PPFIA2: variants seen among roughly 807,000 people sequenced by gnomAD.
PPFIA2 encodes the protein liprin-alpha-2.
Under a neutral mutation model 175.5 loss-of-function variants are expected in PPFIA2, and 46 were observed. The ratio of observed to expected loss-of-function variants is 0.26; its 90% confidence interval spans 0.21 to 0.34. The LOEUF (loss-of-function observed/expected upper bound fraction) is 0.34, where lower values mean the gene tolerates loss of function less well. PPFIA2 is among the 10% of genes least tolerant of loss of function. The pLI is 1.00. For missense variants in PPFIA2, 1,179 were observed against 1,506.1 expected, an observed-to-expected ratio of 0.78 and a Z score of 3.60; for synonymous variants, 568 against 511.4, an observed-to-expected ratio of 1.11 and a Z score of -1.49.
chr12:81,597,615 A>T (rs2059382113), intron 4 of PPFIA2, among the ~76,000 whole-genome samples: 2 of 152,128 alleles, frequency 1.3e-5, no homozygotes, highest in African/African-American at 4.8e-5. Context: ...CGCACAAGGA[A>T]AGTAACTCTA....
intron 4 of PPFIA2, among the ~76,000 whole-genome samples, chr12:81,610,726 T>C (rs1033999270): frequency 2.0e-5 from 3 of 152,366 alleles, no homozygotes; most frequent in African/African-American, 7.2e-5. Context: ...ATGTTTGTCA[T>C]TTCAGTCATT....
At chr12:81,464,835 C>A (rs963482270) in intron 4 of PPFIA2, among the ~76,000 whole-genome samples, 4 of 148,570 alleles carry the variant, frequency 2.7e-5, no homozygotes, top group Admixed American at 6.8e-5. Context: ...TATACAGGTT[C>A]ATCTTTAAAC....
chr12:81,287,947 C>T (rs542304161), intron 24 of PPFIA2, among the ~76,000 whole-genome samples: 2 of 151,900 alleles, frequency 1.3e-5, no homozygotes, highest in Admixed American at 1.3e-4. Flanking sequence ...ACTCACTGCC[C>T]TTGGTAGTCT....
intron 7 of PPFIA2, among the ~76,000 whole-genome samples, chr12:81,422,065 CGT>C (rs951778104): frequency 4.2e-4 from 56 of 132,800 alleles, no homozygotes; most frequent in South Asian, 1.9e-3. Context: ...TATATATATA[CGT>C]GTGTGTGTGT....
chr12:81,441,300 G>A (rs1285932366), intron 6 of PPFIA2, among the ~76,000 whole-genome samples: 1 of 151,906 alleles, frequency 6.6e-6, no homozygotes, highest in African/African-American at 2.4e-5. Context: ...ACAATACCAT[G>A]TATATTCAGA....
intron 3 of PPFIA2, among the ~76,000 whole-genome samples, chr12:81,733,474 TACC>T (rs1473905214): frequency 6.7e-6 from 1 of 150,268 alleles, no homozygotes; most frequent in Non-Finnish European, 1.5e-5. Context: ...TAAGTGTTCT[TACC>T]ACAATAAAAA....
chr12:81,564,398 G>A (rs778633855), intron 4 of PPFIA2, among the ~76,000 whole-genome samples: 3 of 152,254 alleles, frequency 2.0e-5, no homozygotes, highest in South Asian at 2.1e-4. Flanking sequence ...AAATAGAAGC[G>A]AGCCTGCTCT....
chr12:81,688,990 G>A (rs2074867837), intron 3 of PPFIA2, among the ~76,000 whole-genome samples: 1 of 151,420 alleles, frequency 6.6e-6, no homozygotes, highest in African/African-American at 2.4e-5. Flanking sequence ...TCAAATTCAA[G>A]TTCACACTTC....
chr12:81,458,135 G>T (rs1403118533), intron 4 of PPFIA2, among the ~76,000 whole-genome samples: 1 of 152,068 alleles, frequency 6.6e-6, no homozygotes, highest in African/African-American at 2.4e-5. Flanking sequence ...TGAGCCTAAC[G>T]TTAATATGAT....
At chr12:81,342,022 A>T (rs1943231735) in intron 19 of PPFIA2, among the ~76,000 whole-genome samples, 1 of 152,122 alleles carries the variant, frequency 6.6e-6, no homozygotes, top group African/African-American at 2.4e-5. Context: ...AAAAGGTAAG[A>T]TAGTAATGTT....
At position 81,259,247 on chromosome 12, in the gene PPFIA2, C is replaced by A; in HGVS notation, c.*447G>T. ...AAATACAAACAGTACTTGGAATTGT[C>A]AAATGTTTGCACTCGAGACTCCATG... is the stretch of plus-strand genomic sequence containing the variant. On this transcript the variant is annotated 3_prime_UTR_variant, in exon 33 of 33. Coordinates refer to ENST00000549396, the MANE Select transcript of PPFIA2 (RefSeq NM_003625.5). 2 of 271,236 alleles carry A rather than the reference C, an allele frequency of 7.4e-6. No homozygotes were observed. The highest frequency in any genetic ancestry group is 7.5e-5 in the South Asian group (2 of 26,730). 16.8% of individuals were successfully genotyped at this position (271,236 alleles called of 1,614,324 possible).
chr12:81,357,536 C>T (rs2141075980), intron 16 of PPFIA2, among the ~76,000 whole-genome samples: 2 of 152,186 alleles, frequency 1.3e-5, no homozygotes, highest in South Asian at 4.2e-4. Flanking sequence ...TAGCACTGCC[C>T]CTTATCATTA....
chr12:81,664,420 C>A (rs917146898), intron 4 of PPFIA2, among the ~76,000 whole-genome samples: 1 of 151,998 alleles, frequency 6.6e-6, no homozygotes, highest in African/African-American at 2.4e-5. Flanking sequence ...ATTTATGCAG[C>A]CAAAAGACAC....
intron 4 of PPFIA2, among the ~76,000 whole-genome samples, chr12:81,632,465 T>G (rs1292482487): frequency 6.6e-6 from 1 of 152,052 alleles, no homozygotes; most frequent in Admixed American, 6.6e-5. Flanking sequence ...ATCTAGAAAT[T>G]TTCAAGTGTA....
chr12:81,657,297 A>G (rs1355879243), intron 4 of PPFIA2, among the ~76,000 whole-genome samples: 1 of 152,232 alleles, frequency 6.6e-6, no homozygotes, highest in African/African-American at 2.4e-5. Flanking sequence ...TTTAATGAAT[A>G]CTAATGACAG....
rs563492389 is a variant in PPFIA2, at chr12:81,662,725, A to G, written c.303+14066T>C. Among the ~76,000 whole-genome samples, 16 of 152,300 alleles carry G rather than the reference A, an allele frequency of 1.1e-4. No homozygotes were observed. The East Asian group carries it at 2.7e-3, about 26-fold the overall frequency. ...ATGAGGCCAGCATCATCCTGATACC[A>G]AAGCCTGGCAGAGACACAACAAAAA... On this transcript the variant is annotated intron_variant, in intron 4 of 32. Coordinates refer to ENST00000549396, the MANE Select transcript of PPFIA2 (RefSeq NM_003625.5).
At chr12:81,374,917 G>T (rs2036010782) in intron 10 of PPFIA2, 149 bp from the exon 11 acceptor site, 3 of 698,724 alleles carry the variant, frequency 4.3e-6, no homozygotes, top group Non-Finnish European at 6.9e-6. Flanking sequence ...TTGTTGTCTT[G>T]TTATCATATA....
intron 4 of PPFIA2, among the ~76,000 whole-genome samples, chr12:81,563,614 G>A: frequency 6.6e-6 from 1 of 152,104 alleles, no homozygotes; most frequent in Non-Finnish European, 1.5e-5. Context: ...ACTCAGCATG[G>A]AGGTCTGTTG....
chr12:81,723,437 C>T (rs10778828), intron 3 of PPFIA2, among the ~76,000 whole-genome samples: 1 of 150,764 alleles, frequency 6.6e-6, no homozygotes, highest in East Asian at 1.9e-4. Flanking sequence ...AATGAACTTT[C>T]TTAAGATTCA....
Sources: allele counts gnomAD v4.1 joint callset (sites outside exome capture counted in the v4.1 genomes callset), GRCh38; gene constraint gnomAD v4.1.1; transcripts MANE v1.5; gene names NCBI Gene and HGNC (gene_info 2026-07-23, HGNC 2026-07-21).